Variants in AGBL4 observed in about 807,000 individuals in gnomAD.
AGBL4 encodes cytosolic carboxypeptidase 6.
A neutral mutation model predicts 66.4 loss-of-function variants in AGBL4; 58 were observed. The ratio of observed to expected loss-of-function variants is 0.87; its 90% CI spans 0.71 to 1.09. The LOEUF (loss-of-function observed/expected upper bound fraction) is 1.09, where lower values mean the gene tolerates loss of function less well. Ranked by LOEUF, AGBL4 falls within the 50% of genes least tolerant of loss-of-function variation. The pLI is 0.00. For synonymous variants in AGBL4, 234 were observed against 222.9 expected (o/e 1.05, Z -0.44); for missense variants, 579 against 631.0 (o/e 0.92, Z 0.88).
rs988561384 is a variant in AGBL4, at chr1:49,286,476, C to G, written c.283-40612G>C. Reference sequence around the variant, plus strand: ...ATCTAGAAAACCCCATTGGCTCAGACCAAAATCTCCTTAAGCTGATAAGCA... The same window carrying G: ...ATCTAGAAAACCCCATTGGCTCAGAGCAAAATCTCCTTAAGCTGATAAGCA... On this transcript the variant is annotated intron_variant, in intron 3 of 13. Transcript: ENST00000371839. Among the ~76,000 whole-genome samples the G allele has an allele frequency of 2.6e-4, 40 of 152,266 alleles. 1 individual carries two copies. The highest frequency in any genetic ancestry group is 9.1e-4 in the African/African-American group (38 of 41,536).
intron 4 of AGBL4, among the ~76,000 whole-genome samples, chr1:49,233,272 C>A (rs1283827520): frequency 6.6e-6 from 1 of 152,044 alleles, no homozygotes; most frequent in Non-Finnish European, 1.5e-5. Flanking sequence ...AACATATGGC[C>A]CCAAATAAAT....
chr1:48,613,863 C>T (rs1645277966), intron 9 of AGBL4, among the ~76,000 whole-genome samples: 1 of 152,224 alleles, frequency 6.6e-6, no homozygotes, highest in South Asian at 2.1e-4. Flanking sequence ...TAATACAGCA[C>T]AGTTTCGTGC....
chr1:49,531,820 C>G (rs957730960), intron 3 of AGBL4, among the ~76,000 whole-genome samples: 4 of 152,048 alleles, frequency 2.6e-5, no homozygotes, highest in African/African-American at 9.7e-5. Flanking sequence ...TGATGACTAT[C>G]CATCTCACCC....
At chr1:49,679,432 C>T (rs1333075314) in intron 3 of AGBL4, among the ~76,000 whole-genome samples, 2 of 151,928 alleles carry the variant, frequency 1.3e-5, no homozygotes, top group Non-Finnish European at 2.9e-5. Context: ...ATTTTACTTT[C>T]AATCTATCTA....
intron 4 of AGBL4, among the ~76,000 whole-genome samples, chr1:49,134,693 C>A (rs1471296438): frequency 1.3e-5 from 2 of 151,850 alleles, no homozygotes; most frequent in East Asian, 2.0e-4. Flanking sequence ...TGAAGGTGCC[C>A]AGATTTCATA....
In AGBL4 at chr1:49,214,566, G is replaced by A. The variant is rs969629623; in HGVS notation, c.377+31204C>T. On this transcript the variant is annotated intron_variant, in intron 4 of 13. Transcript: ENST00000371839. ...AGCACCAGTCTTATCCAGTCCTGTG[G>A]AAAATTGTAATGATAAACAATGAAA... 2.0e-5 allele frequency among the ~76,000 whole-genome samples: 3 copies of A among 152,222 alleles called. No homozygotes were observed. The South Asian group carries it at 6.2e-4, about 32-fold the overall frequency.
In AGBL4 at chr1:49,789,055, G is replaced by T. The variant is rs1370994333; in HGVS notation, c.157+62341C>A. On this transcript the variant is annotated intron_variant, in intron 2 of 13. Transcript: ENST00000371839. Reference sequence around the variant, plus strand: ...TATTGAGAGTTTTGAGCATGAAGCGGTGTTGAATTTTATCAAAGGCCTTTT... The same window carrying T: ...TATTGAGAGTTTTGAGCATGAAGCGTTGTTGAATTTTATCAAAGGCCTTTT... Among the ~76,000 whole-genome samples the T allele has an allele frequency of 2.3e-4, 35 of 152,176 alleles. 1 individual carries two copies. Among genetic ancestry groups the T allele is most frequent in the Admixed American group, 2.3e-3 (35 of 15,268 alleles).
chr1:49,630,658 C>T (rs539549416), intron 3 of AGBL4, among the ~76,000 whole-genome samples: 16 of 152,288 alleles, frequency 1.1e-4, no homozygotes, highest in Admixed American at 3.9e-4. Flanking sequence ...AATCTCCTGG[C>T]TCCTGGCAGA....
At chr1:49,728,741 C>A (rs764530837) in intron 2 of AGBL4, among the ~76,000 whole-genome samples, 5 of 152,078 alleles carry the variant, frequency 3.3e-5, no homozygotes, top group Non-Finnish European at 7.3e-5. Flanking sequence ...TAGTAAGAAG[C>A]CAACTAGAAT....
At chr1:49,905,204 A>G (rs1650157510) in intron 1 of AGBL4, among the ~76,000 whole-genome samples, 1 of 152,202 alleles carries the variant, frequency 6.6e-6, no homozygotes, top group Admixed American at 6.5e-5. Flanking sequence ...ATTTTTAGAA[A>G]CAAATTTGCC....
intron 5 of AGBL4, among the ~76,000 whole-genome samples, chr1:48,928,732 TTATATAGGCATAATAATAGACATAATA>T (rs1307562514): frequency 1.3e-5 from 2 of 149,974 alleles, no homozygotes; most frequent in African/African-American, 5.1e-5. Flanking sequence ...ATAGGCATAA[TTATATAGGCATAATAATAGACATAATA>T]TATATAGGCA....
intron 9 of AGBL4, among the ~76,000 whole-genome samples, chr1:48,621,852 CTT>C (rs1231756900): frequency 2.0e-5 from 3 of 151,800 alleles, no homozygotes; most frequent in Middle Eastern, 3.4e-3. Flanking sequence ...CTTATTCACA[CTT>C]CAGATTTTTT....
At chr1:48,805,481 T>C (rs1278607261) in intron 6 of AGBL4, among the ~76,000 whole-genome samples, 1 of 152,164 alleles carries the variant, frequency 6.6e-6, no homozygotes, top group Non-Finnish European at 1.5e-5. Context: ...TTTCCTCAAC[T>C]ATGGAACAGG....
chr1:50,009,413 C>T (rs111764646), intron 1 of AGBL4, among the ~76,000 whole-genome samples: 4,277 of 151,558 alleles, frequency 0.028, 171 homozygotes, highest in African/African-American at 0.098. Context: ...GGACAAAAAC[C>T]ATATAATCGT....
Position 49,719,217 on chromosome 1 carries a change from T to C in AGBL4, c.158-21780A>G, listed in dbSNP as rs139509191. 2.2e-4 allele frequency among the ~76,000 whole-genome samples: 33 copies of C among 152,248 alleles called. No homozygotes were observed. The East Asian group carries it at 6.2e-3, about 29-fold the overall frequency. ...ATAAGAATCTTACTATGCTAGAAAA[T>C]TAGCAAATGTCATATGACTTTCCCA... On this transcript the variant is annotated intron_variant, in intron 2 of 13. Coordinates refer to ENST00000371839, the MANE Select transcript of AGBL4 (RefSeq NM_032785.4).
At chr1:49,893,176 C>T (rs934566067) in intron 1 of AGBL4, among the ~76,000 whole-genome samples, 2 of 151,998 alleles carry the variant, frequency 1.3e-5, no homozygotes, top group Admixed American at 6.6e-5. Context: ...ATTGTTATAC[C>T]CAGCTATATC....
chr1:48,859,131 T>C (rs1038139651), intron 6 of AGBL4, among the ~76,000 whole-genome samples: 1 of 152,098 alleles, frequency 6.6e-6, no homozygotes, highest in African/African-American at 2.4e-5. Context: ...CTTTTCCCTC[T>C]GTCACAATGA....
At chr1:49,176,389 C>T (rs1646831891) in intron 4 of AGBL4, among the ~76,000 whole-genome samples, 2 of 152,094 alleles carry the variant, frequency 1.3e-5, no homozygotes, top group South Asian at 4.1e-4. Flanking sequence ...TTCCAGAAAC[C>T]ATGCATCTGC....
chr1:49,510,230 C>A (rs1420511806), intron 3 of AGBL4, among the ~76,000 whole-genome samples: 6 of 151,926 alleles, frequency 3.9e-5, no homozygotes, highest in Non-Finnish European at 5.9e-5. Context: ...TTCTCCACAT[C>A]CTCTCCAGCA....
Sources: gnomAD v4.1 joint callset for allele counts (sites outside exome capture counted in the v4.1 genomes callset) on GRCh38, gnomAD v4.1.1 for gene constraint, MANE v1.5 for transcripts, NCBI Gene and HGNC (gene_info 2026-07-23, HGNC 2026-07-21) for gene names.